Variants in UBE2G1 observed in about 807,000 individuals in gnomAD.
UBE2G1 encodes the protein ubiquitin conjugating enzyme E2 G1.
A neutral mutation model predicts 22.7 loss-of-function variants in UBE2G1; 5 were observed. That is an observed-to-expected ratio of 0.22 (90% CI 0.12 to 0.46). UBE2G1 has a LOEUF of 0.46. Among genes scored for constraint, UBE2G1 ranks in the 20% least tolerant of loss-of-function variants. The pLI is 0.99. For synonymous variants in UBE2G1, 74 were observed against 67.5 expected, an observed-to-expected ratio of 1.10 and a Z score of -0.47; for missense variants, 88 against 203.9, an observed-to-expected ratio of 0.43 and a Z score of 3.46.
Position 4,366,539 on chromosome 17 carries a change from G to T in UBE2G1, c.-223C>A, listed in dbSNP as rs890282107. ...CGACTCACGCCCGGAAGGGGAGGGT[G>T]CCCGGGCTGCCGCGGCGCGCACTGG... is the stretch of plus-strand genomic sequence containing the variant. On this transcript the variant is annotated 5_prime_UTR_variant, in exon 1 of 6. Transcript: ENST00000396981. 9.6e-6 allele frequency: 4 copies of T among 418,494 alleles called. No individual in the cohort carries two copies. The highest frequency in any genetic ancestry group is 4.2e-5 in the African/African-American group (2 of 47,854). The allele number at this position is 418,494 out of a possible 1,614,324, so 25.9% of individuals were successfully genotyped here. A position where few individuals can be genotyped will look rare whatever the true frequency, so the allele number is the denominator to read the frequency against.
At chr17:4,301,505 G>C (rs1356539254) in intron 2 of UBE2G1, 2 of 974,572 alleles carry the variant, frequency 2.1e-6, no homozygotes, top group East Asian at 2.4e-5. Context: ...AGGATAAACG[G>C]AACAGGCAGG....
intron 1 of UBE2G1, among the ~76,000 whole-genome samples, chr17:4,332,320 A>T (rs953995374): frequency 6.6e-6 from 1 of 152,120 alleles, no homozygotes; most frequent in Non-Finnish European, 1.5e-5. Context: ...ACCAGCACTC[A>T]TTTTTCCTAA....
In UBE2G1 at chr17:4,281,098, A is replaced by G. The variant is rs113410101; in HGVS notation, c.*37+1700T>C. On this transcript the variant is annotated intron_variant, in intron 5 of 5. Coordinates refer to ENST00000396981, the MANE Select transcript of UBE2G1 (RefSeq NM_003342.5). ...CTCTTACAGTACATGCAAATCAGGA[A>G]ACAAGGATAGCCACCCTCTATAACA... Among the ~76,000 whole-genome samples the G allele has an allele frequency of 1.2e-3, 189 of 152,332 alleles. 2 individuals carry two copies. The highest frequency in any genetic ancestry group is 4.3e-3 in the African/African-American group (178 of 41,574).
At chr17:4,359,994 T>A (rs1270787549) in intron 1 of UBE2G1, among the ~76,000 whole-genome samples, 1 of 152,232 alleles carries the variant, frequency 6.6e-6, no homozygotes, top group Non-Finnish European at 1.5e-5. Flanking sequence ...TTTTATTCTT[T>A]ATCATTTATC....
rs528330495 is a variant in UBE2G1 at position 4,320,009 on chromosome 17, C to T, written c.47-12886G>A. 2.4e-4 allele frequency among the ~76,000 whole-genome samples: 36 copies of T among 151,858 alleles called. No homozygotes were observed. In the East Asian group the frequency reaches 6.6e-3, roughly 28 times the overall value. On this transcript the variant is annotated intron_variant, in intron 1 of 5. Coordinates refer to ENST00000396981, the MANE Select transcript of UBE2G1 (RefSeq NM_003342.5). ...AATATATGCTGTCATTGCCAAGTGG[C>T]ACACGTGTGTGTGTGTGTGTATTAT...
intron 1 of UBE2G1, among the ~76,000 whole-genome samples, chr17:4,361,323 T>A (rs1969964224): frequency 6.6e-6 from 1 of 151,586 alleles, no homozygotes; most frequent in Non-Finnish European, 1.5e-5. Flanking sequence ...GGTCAGGAGT[T>A]CAAGACCAGC....
intron 1 of UBE2G1, among the ~76,000 whole-genome samples, chr17:4,311,885 A>G (rs1350720858): frequency 6.6e-6 from 1 of 152,148 alleles, no homozygotes; most frequent in East Asian, 1.9e-4. Context: ...GTTTGTCAAG[A>G]GAGGGGAGGA....
intron 2 of UBE2G1, chr17:4,301,572 T>C: frequency 7.5e-7 from 1 of 1,331,960 alleles, no homozygotes; most frequent in Non-Finnish European, 1.1e-6. Context: ...CAATGTAGTT[T>C]TGTGTTTCTT....
At chr17:4,275,060 C>T (rs1968806175) in intron 5 of UBE2G1, among the ~76,000 whole-genome samples, 1 of 151,976 alleles carries the variant, frequency 6.6e-6, no homozygotes, top group African/African-American at 2.4e-5. Flanking sequence ...GGGGAGGACG[C>T]CACTGCACTC....
chr17:4,307,669 G>A (rs1969262881), intron 1 of UBE2G1, among the ~76,000 whole-genome samples: 1 of 152,208 alleles, frequency 6.6e-6, no homozygotes, highest in African/African-American at 2.4e-5. Context: ...TGAGCACAAG[G>A]AGAGCAGGGG....
chr17:4,339,138 A>G (rs1969682924), intron 1 of UBE2G1, among the ~76,000 whole-genome samples: 2 of 152,132 alleles, frequency 1.3e-5, no homozygotes, highest in Non-Finnish European at 2.9e-5. Flanking sequence ...CGACATTAAC[A>G]TCATGTTAGA....
chr17:4,320,549 T>G (rs953569061), intron 1 of UBE2G1, among the ~76,000 whole-genome samples: 3 of 152,190 alleles, frequency 2.0e-5, no homozygotes, highest in Non-Finnish European at 4.4e-5. Flanking sequence ...ATGCCCAACG[T>G]TGGGAGACAT....
At chr17:4,317,994 C>T (rs1218542875) in intron 1 of UBE2G1, among the ~76,000 whole-genome samples, 1 of 152,158 alleles carries the variant, frequency 6.6e-6, no homozygotes, top group Admixed American at 6.5e-5. Flanking sequence ...CTGAATGTCA[C>T]TTCACAATGG....
chr17:4,352,496 G>A (rs904587869), intron 1 of UBE2G1, among the ~76,000 whole-genome samples: 2 of 152,168 alleles, frequency 1.3e-5, no homozygotes, highest in South Asian at 2.1e-4. Context: ...TGGAAACTAC[G>A]GTCAGAAAGC....
chr17:4,340,305 A>G (rs554205666), intron 1 of UBE2G1, among the ~76,000 whole-genome samples: 2 of 152,304 alleles, frequency 1.3e-5, no homozygotes, highest in African/African-American at 4.8e-5. Context: ...ATGTTCTTAG[A>G]GAACATAGCT....
At position 4,356,273 on chromosome 17, in the gene UBE2G1, G is replaced by C. The variant is rs528702401; in HGVS notation, c.46+9998C>G. ...CTCGGGAGGCTGAGGCAGGAGAATC[G>C]CTTGAACCCAGGAGGCAGAGGTTGC... On this transcript the variant is annotated intron_variant, in intron 1 of 5. Transcript: ENST00000396981. 3.3e-5 allele frequency among the ~76,000 whole-genome samples: 5 copies of C among 151,776 alleles called. No individual in the cohort carries two copies. The South Asian group carries it at 1.0e-3, about 32-fold the overall frequency.
intron 1 of UBE2G1, among the ~76,000 whole-genome samples, chr17:4,307,901 C>T (rs1264373345): frequency 6.6e-6 from 1 of 152,152 alleles, no homozygotes; most frequent in Non-Finnish European, 1.5e-5. Context: ...AGACAGGGAC[C>T]TTAAGGAGCA....
intron 1 of UBE2G1, among the ~76,000 whole-genome samples, chr17:4,307,699 A>G (rs904436033): frequency 6.6e-6 from 1 of 152,134 alleles, no homozygotes; most frequent in South Asian, 2.1e-4. Flanking sequence ...TCTTGTCTGT[A>G]TATGTCGACC....
chr17:4,299,446 C>T (rs1453429752), intron 2 of UBE2G1, among the ~76,000 whole-genome samples: 1 of 152,164 alleles, frequency 6.6e-6, no homozygotes, highest in Non-Finnish European at 1.5e-5. Flanking sequence ...AAAGCCACTG[C>T]CACAAAGCCC....
Sources: gnomAD v4.1 joint callset for allele counts (sites outside exome capture counted in the v4.1 genomes callset) on GRCh38, gnomAD v4.1.1 for gene constraint, MANE v1.5 for transcripts, NCBI Gene and HGNC (gene_info 2026-07-23, HGNC 2026-07-21) for gene names.